Variants in BNC2 observed in about 807,000 individuals in gnomAD.
BNC2 encodes the protein zinc finger protein basonuclin-2.
A neutral mutation model predicts 76.3 loss-of-function variants in BNC2; 20 were observed. That is an observed-to-expected ratio of 0.26 (90% CI 0.18 to 0.38). BNC2 has a LOEUF of 0.38. Ranked by LOEUF, BNC2 falls within the 10% of genes least tolerant of loss-of-function variation. The pLI is 1.00. For synonymous variants in BNC2, 582 were observed against 514.8 expected (o/e 1.13, Z -1.77); for missense variants, 1,382 against 1,399.8 (o/e 0.99, Z 0.20).
At chr9:16,455,920 C>T (rs972912483) in intron 5 of BNC2, among the ~76,000 whole-genome samples, 2 of 152,124 alleles carry the variant, frequency 1.3e-5, no homozygotes, top group Non-Finnish European at 1.5e-5. Context: ...ATAATGGTTC[C>T]ATGGAATAAA....
intron 1 of BNC2, among the ~76,000 whole-genome samples, chr9:16,830,698 T>A (rs928576610): frequency 6.6e-5 from 10 of 152,176 alleles, no homozygotes; most frequent in African/African-American, 2.4e-4. Flanking sequence ...TCTCCTTTGA[T>A]AAAACTCATT....
chr9:16,843,581 G>A (rs1205843163), intron 1 of BNC2, among the ~76,000 whole-genome samples: 4 of 152,194 alleles, frequency 2.6e-5, no homozygotes, highest in South Asian at 2.1e-4. Flanking sequence ...TGATCCACCC[G>A]CCTTGGCCTC....
chr9:16,424,539 A>G (rs973656012), intron 6 of BNC2, among the ~76,000 whole-genome samples: 2 of 152,196 alleles, frequency 1.3e-5, no homozygotes, highest in Non-Finnish European at 2.9e-5. Context: ...AAATTCTCAA[A>G]TGATATTGTA....
chr9:16,493,375 T>C (rs1822318353), intron 5 of BNC2, among the ~76,000 whole-genome samples: 1 of 152,160 alleles, frequency 6.6e-6, no homozygotes, highest in Non-Finnish European at 1.5e-5. Context: ...ACAATATTGA[T>C]ACAAAAATGA....
chr9:16,522,624 T>G (rs1355209037), intron 5 of BNC2, among the ~76,000 whole-genome samples: 2 of 152,174 alleles, frequency 1.3e-5, no homozygotes, highest in Non-Finnish European at 2.9e-5. Flanking sequence ...TGAAGGTCAT[T>G]TCGTGTTTTT....
intron 3 of BNC2, among the ~76,000 whole-genome samples, chr9:16,592,524 T>C (rs1440880494): frequency 6.6e-6 from 1 of 152,150 alleles, no homozygotes; most frequent in Non-Finnish European, 1.5e-5. Context: ...GGCTGCCTTG[T>C]GGGGGATGAG....
rs1028151086 is a variant in BNC2 at position 16,413,528 on chromosome 9, T to G, written c.*5461A>C. 5 of 152,106 alleles carry G rather than the reference T, an allele frequency of 3.3e-5. No homozygotes were observed. Among genetic ancestry groups the G allele is most frequent in the African/African-American group, 1.2e-4 (5 of 41,412 alleles). The allele number at this position is 152,106 out of a possible 1,614,324, so 9.4% of individuals were successfully genotyped here. On this transcript the variant is annotated 3_prime_UTR_variant, in exon 7 of 7. Coordinates refer to ENST00000380672, the MANE Select transcript of BNC2 (RefSeq NM_017637.6). ...TGCCGAATGAGCACAGAAAATCATT[T>G]TGCGCAAGATGTGGGAAGGATGAGG...
intron 3 of BNC2, among the ~76,000 whole-genome samples, chr9:16,639,292 G>GA (rs1310650907): frequency 2.6e-5 from 4 of 152,112 alleles, no homozygotes; most frequent in African/African-American, 4.8e-5. Context: ...TTAAGCAATG[G>GA]AAAAAATCTG....
intron 3 of BNC2, among the ~76,000 whole-genome samples, chr9:16,610,411 AATGT>A (rs1197056443): frequency 6.6e-6 from 1 of 152,148 alleles, no homozygotes; most frequent in Non-Finnish European, 1.5e-5. Flanking sequence ...GGTTCCCAAC[AATGT>A]ATGTATGACA....
At chr9:16,777,586 A>G (rs893232702) in intron 1 of BNC2, among the ~76,000 whole-genome samples, 2 of 151,760 alleles carry the variant, frequency 1.3e-5, no homozygotes, top group African/African-American at 4.8e-5. Flanking sequence ...CTGTAGTCCC[A>G]GCTACTCGGG....
At chr9:16,430,950 T>C (rs565986469) in intron 6 of BNC2, among the ~76,000 whole-genome samples, 8 of 152,328 alleles carry the variant, frequency 5.3e-5, no homozygotes, top group African/African-American at 1.9e-4. Flanking sequence ...TTTAAATTTA[T>C]TCATATGGCT....
chr9:16,646,600 C>T lies in BNC2; in HGVS notation c.331-63515G>A, dbSNP rs181931299. ...GTTGCCTTAGGGGAAAGGAGATTAA[C>T]TGGAAAAGGCATAAGGGAACATTAT... is the stretch of plus-strand genomic sequence containing the variant. On this transcript the variant is annotated intron_variant, in intron 3 of 6. Transcript: ENST00000380672. Among the ~76,000 whole-genome samples, 119 of 152,162 alleles carry T rather than the reference C, an allele frequency of 7.8e-4. 1 individual carries two copies. Among genetic ancestry groups the T allele is most frequent in the African/African-American group, 2.7e-3 (113 of 41,536 alleles).
At chr9:16,665,370 C>CAA (rs1195291523) in intron 3 of BNC2, among the ~76,000 whole-genome samples, 11 of 3,034 alleles carry the variant, frequency 3.6e-3, no homozygotes, top group South Asian at 0.01. Flanking sequence ...ACCTCTGTCT[C>CAA]AAAAAAAAAA....
At chr9:16,559,476 G>C (rs1273363752) in intron 4 of BNC2, among the ~76,000 whole-genome samples, 3 of 152,114 alleles carry the variant, frequency 2.0e-5, no homozygotes, top group East Asian at 3.9e-4. Context: ...TGAGATTATA[G>C]GCTCAATCAG....
At chr9:16,548,707 A>T (rs1818565488) in intron 5 of BNC2, among the ~76,000 whole-genome samples, 1 of 152,164 alleles carries the variant, frequency 6.6e-6, no homozygotes, top group Non-Finnish European at 1.5e-5. Flanking sequence ...GCCTGGCCAG[A>T]ATTATTCTTT....
At chr9:16,709,817 T>G (rs16934926) in intron 3 of BNC2, among the ~76,000 whole-genome samples, 1 of 152,078 alleles carries the variant, frequency 6.6e-6, no homozygotes, top group Non-Finnish European at 1.5e-5. Context: ...CAAAGGCAAG[T>G]GTGTTAAAAT....
intron 4 of BNC2, among the ~76,000 whole-genome samples, chr9:16,577,233 C>A (rs1315272080): frequency 2.0e-5 from 3 of 151,596 alleles, no homozygotes; most frequent in East Asian, 1.9e-4. Flanking sequence ...CAGATTCAAT[C>A]AAAAATTCTA....
chr9:16,743,561 C>A (rs1307060713), intron 1 of BNC2, among the ~76,000 whole-genome samples: 1 of 152,180 alleles, frequency 6.6e-6, no homozygotes, highest in African/African-American at 2.4e-5. Context: ...TACCGGAGAG[C>A]AAGCATCTGT....
At chr9:16,627,390 C>A (rs1251232918) in intron 3 of BNC2, among the ~76,000 whole-genome samples, 1 of 152,158 alleles carries the variant, frequency 6.6e-6, no homozygotes, top group Non-Finnish European at 1.5e-5. Context: ...AACACAGCAG[C>A]AATGGCATTC....
Sources: allele counts gnomAD v4.1 joint callset (sites outside exome capture counted in the v4.1 genomes callset), GRCh38; gene constraint gnomAD v4.1.1; transcripts MANE v1.5; gene names NCBI Gene and HGNC (gene_info 2026-07-23, HGNC 2026-07-21).